HMG20B: variants seen among roughly 807,000 people sequenced by gnomAD.
The protein encoded by HMG20B is high mobility group 20B.
Under a neutral mutation model 41.6 loss-of-function variants are expected in HMG20B, and 24 were observed. That is an observed-to-expected ratio of 0.58 (90% CI 0.42 to 0.81). The LOEUF is 0.81. Ranked by LOEUF, HMG20B falls within the 30% of genes least tolerant of loss-of-function variation. The probability of loss-of-function intolerance (pLI) is 0.00; values close to 1 mark genes in which losing one functional copy is unlikely to be tolerated. For missense variants in HMG20B, 461 were observed against 444.0 expected, an observed-to-expected ratio of 1.04 and a Z score of -0.34; for synonymous variants, 251 against 186.6, an observed-to-expected ratio of 1.34 and a Z score of -2.81.
intron 3 of HMG20B, chr19:3,574,146 C>A: frequency 1.6e-6 from 1 of 616,226 alleles, no homozygotes; most frequent in Non-Finnish European, 2.9e-6. Flanking sequence ...AACGCCAACC[C>A]TGTACTCAAA....
chr19:3,579,048 C>G lies in HMG20B; in HGVS notation c.*527C>G. 3.0e-6 allele frequency: 1 copy of G among 337,256 alleles called. No homozygotes were observed. Among genetic ancestry groups the G allele is most frequent in the Non-Finnish European group, 5.9e-6 (1 of 169,758 alleles). The allele number at this position is 337,256 out of a possible 1,614,324, so 20.9% of individuals were successfully genotyped here. A position where few individuals can be genotyped will look rare whatever the true frequency, so the allele number is the denominator to read the frequency against. ...GCTCCTTCTCACTGCTGGATCCGGA[C>G]TTTTTAAATAAAAACAAGTAAAATT... On this transcript the variant is annotated 3_prime_UTR_variant, in exon 10 of 10. Coordinates refer to ENST00000333651, the MANE Select transcript of HMG20B (RefSeq NM_006339.3). The surrounding 1 kb of genome is among the most constrained non-coding windows in gnomAD (Gnocchi z 7.4).
Position 3,579,017 on chromosome 19 carries a change from G to A in HMG20B, c.*496G>A, listed in dbSNP as rs2032238578. 1 of 348,466 alleles carries A rather than the reference G, an allele frequency of 2.9e-6. No individual in the cohort carries two copies. Among genetic ancestry groups the A allele is most frequent in the Non-Finnish European group, 5.7e-6 (1 of 175,054 alleles). The allele number at this position is 348,466 out of a possible 1,614,324, so 21.6% of individuals were successfully genotyped here. On this transcript the variant is annotated 3_prime_UTR_variant, in exon 10 of 10. Coordinates refer to ENST00000333651, the MANE Select transcript of HMG20B (RefSeq NM_006339.3). The surrounding 1 kb of genome is among the most constrained non-coding windows in gnomAD (Gnocchi z 7.4). Reference sequence around the variant, plus strand: ...CTCCTCCAGCCGAGGGACCCTGGTGGGGGTGGCTCCTTCTCACTGCTGGAT... The same window carrying A: ...CTCCTCCAGCCGAGGGACCCTGGTGAGGGTGGCTCCTTCTCACTGCTGGAT...
intron 5 of HMG20B, 32 bp downstream of exon 5, chr19:3,575,692 T>A: frequency 6.5e-7 from 1 of 1,539,250 alleles, no homozygotes; most frequent in South Asian, 1.2e-5. Context: ...GGCTCACGCC[T>A]GTCATCCCAG....
chr19:3,573,343 G>T lies in HMG20B; in HGVS notation c.34G>T (p.Ala12Ser). The T allele has an allele frequency of 6.5e-7, 1 of 1,535,104 alleles. No homozygotes were observed. Among genetic ancestry groups the T allele is most frequent in the Non-Finnish European group, 8.7e-7 (1 of 1,143,256 alleles). The change falls in exon 2 of 10, where the codon GCC becomes TCC. Residue 12 changes from alanine (A) to serine (S), a missense_variant. By Grantham distance (99) the Ala-to-Ser change is moderately conservative (BLOSUM62 1). Around this residue, in one of 3 missense-constraint regions of HMG20B, gnomAD observed 104 missense variants for 76.5 expected, o/e 1.36. Coordinates refer to ENST00000333651, the MANE Select transcript of HMG20B (RefSeq NM_006339.3). ...CGGCCCCAAGCAGCCCGGCGCGGCC[G>T]CCGCGTGAGTGCACTGATCCCCTCC... is the stretch of plus-strand genomic sequence containing the variant. The part of the protein sequence containing the change: ...SHGPKQPGAA[A>S]APAGGKAPGQ...
At chr19:3,575,209 C>T (rs2032131642) in intron 4 of HMG20B, among the ~76,000 whole-genome samples, 1 of 152,116 alleles carries the variant, frequency 6.6e-6, no homozygotes. Context: ...GCTTTGCATC[C>T]CTGTAAGTGA....
chr19:3,573,263 A>C lies in HMG20B; in HGVS notation c.-18-29A>C, dbSNP rs1429092638. 3.3e-6 allele frequency: 5 copies of C among 1,507,302 alleles called. No homozygotes were observed. The Admixed American group carries it at 8.2e-5, about 25-fold the overall frequency. The allele number at this position is 1,507,302 out of a possible 1,614,324, so 93.4% of individuals were successfully genotyped here. On this transcript the variant is annotated intron_variant, in intron 1 of 9. Coordinates refer to ENST00000333651, the MANE Select transcript of HMG20B (RefSeq NM_006339.3). Reference sequence around the variant, plus strand: ...TCTGCCATCGGGCAGCCCGGGCGCTACTCACCTCCGCCCGCGTCCGTGTTC... The same window carrying C: ...TCTGCCATCGGGCAGCCCGGGCGCTCCTCACCTCCGCCCGCGTCCGTGTTC...
At chr19:3,578,175 G>A in intron 9 of HMG20B, 62 bp downstream of exon 9, 1 of 1,580,344 alleles carries the variant, frequency 6.3e-7, no homozygotes, top group Non-Finnish European at 8.6e-7. Flanking sequence ...CCGCCCTGGG[G>A]TTCCCCAGGT....
chr19:3,573,702 G>A lies in HMG20B; in HGVS notation c.49G>A (p.Gly17Ser), dbSNP rs770223225. Reference sequence around the variant, plus strand: ...TATCCTTGGCTCCAGGCCGGCGGGCGGCAAGGCTCCGGGCCAGCATGGGGG... The same window carrying A: ...TATCCTTGGCTCCAGGCCGGCGGGCAGCAAGGCTCCGGGCCAGCATGGGGG... ...QPGAAAAPAG[G>S]KAPGQHGGFV... Residue 17 changes from glycine to serine, a missense_variant, in exon 3 of 10, where the codon GGC (glycine) becomes AGC (serine). Transcript: ENST00000333651. 2.7e-6 allele frequency: 4 copies of A among 1,501,700 alleles called. No homozygotes were observed. The highest frequency in any genetic ancestry group is 1.9e-4 in the Middle Eastern group (1 of 5,258). The allele number at this position is 1,501,700 out of a possible 1,614,324, so 93.0% of individuals were successfully genotyped here. A position where few individuals can be genotyped will look rare whatever the true frequency, so the allele number is the denominator to read the frequency against.
At position 3,578,005 on chromosome 19, in the gene HMG20B, G is replaced by A. The variant is rs202033824; in HGVS notation, c.833G>A (p.Gly278Asp). Residue 278 changes from glycine to aspartate, a missense_variant, in exon 9 of 10, where the codon GGC becomes GAC. Gly to Asp is a moderately conservative substitution (Grantham distance 94). Around this residue, in one of 3 missense-constraint regions of HMG20B, gnomAD observed 308 missense variants for 283.4 expected, o/e 1.09. Transcript: ENST00000333651. ...GGCACGGGCGAAACGCCCACGCTGG[G>A]CACTCTGGACTTCTACATGGCCCGG... ...VPGTGETPTL[G>D]TLDFYMARLH... 60 of 1,605,924 alleles carry A rather than the reference G, an allele frequency of 3.7e-5. No homozygotes were observed. In the Middle Eastern group the frequency reaches 9.9e-4, roughly 27 times the overall value.
chr19:3,576,588 T>G lies in HMG20B; in HGVS notation c.555T>G (p.Val185=). The stretch of plus-strand genomic sequence containing the variant: ...GCGATGGCTTCTCCACCTTCGATGT[T>G]CCCATCTTCACTGAAGAGTTCTTGG... ...GDCDGFSTFD[V]PIFTEEFLDQ... The change falls in exon 7 of 10, where the codon GTT becomes GTG. Residue 185 remains valine, a synonymous_variant. Transcript: ENST00000333651. 1 of 1,613,666 alleles carries G rather than the reference T, an allele frequency of 6.2e-7. No homozygotes were observed.
At position 3,573,769 on chromosome 19, in the gene HMG20B, G is replaced by A. The variant is rs200854469; in HGVS notation, c.116G>A (p.Arg39His). Residue 39 changes from arginine (R) to histidine (H), a missense_variant, in exon 3 of 10, where the codon CGC (arginine) becomes CAC (histidine). Arg to His is a conservative substitution (Grantham distance 29). This residue lies in a region of HMG20B where 104 missense variants were observed against 76.5 expected (regional missense o/e 1.36). Transcript: ENST00000333651. ...TVKQERGEGP[R>H]AGEKGSHEEE... is the part of the protein sequence containing the mutation. ...AAGCAAGAGCGCGGCGAGGGTCCAC[G>A]CGCGGGCGAGAAGGGGTCCCACGAG... 9.8e-4 allele frequency: 1,543 copies of A among 1,568,136 alleles called. 2 individuals carry two copies. Among genetic ancestry groups the A allele is most frequent in the Non-Finnish European group, 1.2e-3 (1,449 of 1,160,408 alleles).
chr19:3,575,532 C>A lies in HMG20B; in HGVS notation c.352-8C>A, dbSNP rs779607009. 75 of 1,562,284 alleles carry A rather than the reference C, an allele frequency of 4.8e-5. No homozygotes were observed. Among genetic ancestry groups the A allele is most frequent in the Admixed American group, 7.6e-5 (4 of 52,456 alleles). ...CCCTGCTTCAAGCCTTCTGGTGCTG[C>A]CCCCCAGCGGTACCTGGATGAGGCC... is the stretch of plus-strand genomic sequence containing the variant. On this transcript the variant is annotated splice_polypyrimidine_tract_variant and splice_region_variant and intron_variant, in intron 4 of 9. Transcript: ENST00000333651.
In HMG20B at chr19:3,573,181, C is replaced by CA. The variant is rs2032078643; in HGVS notation, c.-18-110dup. On this transcript the variant is annotated intron_variant, in intron 1 of 9. Coordinates refer to ENST00000333651, the MANE Select transcript of HMG20B (RefSeq NM_006339.3). ...TCCCTGCCCCTGGATCCGGCCCCCC[C>CA]AGCGCTCCGGGCCCGGCATCCCGGG... is the stretch of plus-strand genomic sequence containing the variant. The CA allele has an allele frequency of 2.9e-5, 25 of 854,006 alleles. 1 individual carries two copies. In the South Asian group the frequency reaches 4.8e-4, roughly 16 times the overall value. The allele number at this position is 854,006 out of a possible 1,614,324, so 52.9% of individuals were successfully genotyped here.
chr19:3,578,174 G>T, intron 9 of HMG20B, 61 bp downstream of exon 9: 2 of 1,580,516 alleles, frequency 1.3e-6, no homozygotes, highest in East Asian at 2.3e-5. Context: ...CCCGCCCTGG[G>T]GTTCCCCAGG....
In HMG20B at chr19:3,573,745, A is replaced by T. The variant is rs2032093089; in HGVS notation, c.92A>T (p.Lys31Met). 2 of 1,547,898 alleles carry T rather than the reference A, an allele frequency of 1.3e-6. No individual in the cohort carries two copies. Among genetic ancestry groups the T allele is most frequent in the South Asian group, 2.4e-5 (2 of 82,680 alleles). The change falls in exon 3 of 10, where the codon AAG (lysine) becomes ATG (methionine). Residue 31 changes from lysine to methionine, a missense_variant. By Grantham distance (95) the Lys-to-Met change is moderately conservative. Transcript: ENST00000333651. ...GQHGGFVVTV[K>M]QERGEGPRAG... ...CATGGGGGCTTCGTGGTGACTGTCAAGCAAGAGCGCGGCGAGGGTCCACGC... is the reference window on the plus strand; with the variant it reads ...CATGGGGGCTTCGTGGTGACTGTCATGCAAGAGCGCGGCGAGGGTCCACGC...
rs2032189661 is a variant in HMG20B at position 3,577,264 on chromosome 19, C to T, written c.808+157C>T. ...CCGGCCCCGCCTATCGCCCCGCCCT[C>T]ATCACCCCCAGCTCCGCCTCCTCCC... On this transcript the variant is annotated intron_variant, in intron 8 of 9. Transcript: ENST00000333651. 37 of 595,200 alleles carry T rather than the reference C, an allele frequency of 6.2e-5. 1 individual carries two copies. In the South Asian group the frequency reaches 7.3e-4, roughly 12 times the overall value. 36.9% of individuals were successfully genotyped at this position (595,200 alleles called of 1,614,324 possible).
intron 1 of HMG20B, 79 bp from the exon 2 acceptor site, chr19:3,573,213 C>A: frequency 1.6e-6 from 2 of 1,222,650 alleles, no homozygotes; most frequent in Non-Finnish European, 2.2e-6. Flanking sequence ...CGGGGCTCTC[C>A]ATCGCGGGGT....
At chr19:3,573,833 C>G (rs1391176228) in intron 3 of HMG20B, 33 bp downstream of exon 3, 2 of 1,544,610 alleles carry the variant, frequency 1.3e-6, no homozygotes, top group Non-Finnish European at 1.8e-6. Context: ...GGGGGAGGCC[C>G]CGGGCTCCCG....
rs1380085192 is a variant in HMG20B at position 3,573,331 on chromosome 19, C to A, written c.22C>A (p.Pro8Thr). 1 of 1,534,866 alleles carries A rather than the reference C, an allele frequency of 6.5e-7. No homozygotes were observed. The highest frequency in any genetic ancestry group is 8.7e-7 in the Non-Finnish European group (1 of 1,143,394). ...GGCCATGTCCCACGGCCCCAAGCAG[C>A]CCGGCGCGGCCGCCGCGTGAGTGCA... MSHGPKQ[P>T]GAAAAPAGGK... The change falls in exon 2 of 10, where the codon CCC becomes ACC. Residue 8 changes from proline to threonine, a missense_variant. Pro to Thr is a conservative substitution (Grantham distance 38). Around this residue, in one of 3 missense-constraint regions of HMG20B, gnomAD observed 104 missense variants for 76.5 expected, o/e 1.36. Transcript: ENST00000333651.
Sources: gnomAD v4.1 joint callset for allele counts (sites outside exome capture counted in the v4.1 genomes callset) on GRCh38, gnomAD v4.1.1 for gene constraint, gnomAD v4.1.1 regional missense constraint, Gnocchi (gnomAD v3.1) non-coding constraint, MANE v1.5 for transcripts, NCBI Gene and HGNC (gene_info 2026-07-23, HGNC 2026-07-21) for gene names.